SAMD12: variants seen among roughly 807,000 people sequenced by gnomAD.
The protein encoded by SAMD12 is sterile alpha motif domain containing 12.
A neutral mutation model predicts 15.0 loss-of-function variants in SAMD12; 9 were observed. That is an observed-to-expected ratio of 0.60 (90% CI 0.36 to 1.05). The LOEUF (loss-of-function observed/expected upper bound fraction) is 1.05. SAMD12 is among the 50% of genes least tolerant of loss of function. The pLI, the probability that SAMD12 is intolerant of heterozygous loss-of-function variation, is 0.01. For synonymous variants in SAMD12, 86 were observed against 90.1 expected, an observed-to-expected ratio of 0.96 and a Z score of 0.25; for missense variants, 230 against 234.2, an observed-to-expected ratio of 0.98 and a Z score of 0.12.
intron 2 of SAMD12, among the ~76,000 whole-genome samples, chr8:118,443,980 C>T (rs1380360631): frequency 6.6e-6 from 1 of 152,158 alleles, no homozygotes; most frequent in African/African-American, 2.4e-5. Context: ...AAAAGAGAGG[C>T]AGAGCTGTCA....
intron 2 of SAMD12, among the ~76,000 whole-genome samples, chr8:118,448,849 G>A (rs531076774): frequency 2.3e-4 from 35 of 152,292 alleles, no homozygotes; most frequent in Non-Finnish European, 4.6e-4. Context: ...CTTTCTAAAC[G>A]TATTTCTAAA....
At chr8:118,542,970 G>A (rs1563573055) in intron 2 of SAMD12, among the ~76,000 whole-genome samples, 1 of 151,978 alleles carries the variant, frequency 6.6e-6, no homozygotes, top group Non-Finnish European at 1.5e-5. Context: ...AAGAGGGAAT[G>A]GAAGAAGTGA....
rs1395951061 is a variant in SAMD12 at position 118,585,973 on chromosome 8, A to G, written c.14-5080T>C. Among the ~76,000 whole-genome samples the G allele has an allele frequency of 3.3e-5, 5 of 152,110 alleles. No homozygotes were observed. The South Asian group carries it at 8.3e-4, about 25-fold the overall frequency. On this transcript the variant is annotated intron_variant, in intron 1 of 3. Transcript: ENST00000314727. The stretch of plus-strand genomic sequence containing the variant: ...AGCCACCCAACTTCCAGTTCTTCCA[A>G]TCTCCACCCACACCACTCTCTGTCA...
chr8:118,165,442 G>C, the SAMD12 span, among the ~76,000 whole-genome samples: 1 of 151,760 alleles, frequency 6.6e-6, no homozygotes, highest in Non-Finnish European at 1.5e-5. Context: ...TTTTAGTAGA[G>C]ACGGGGTTTC....
intron 2 of SAMD12, among the ~76,000 whole-genome samples, chr8:118,462,345 TGACAA>T (rs756203221): frequency 2.0e-5 from 3 of 152,220 alleles, no homozygotes; most frequent in Non-Finnish European, 2.9e-5. Flanking sequence ...AACTTGAATT[TGACAA>T]GACAACAGTA....
intron 4 of SAMD12, among the ~76,000 whole-genome samples, chr8:118,285,197 G>A (rs369116084): frequency 1.3e-5 from 2 of 151,714 alleles, no homozygotes; most frequent in African/African-American, 4.8e-5. Context: ...CATTACATGG[G>A]TGGAATTCTG....
At chr8:118,275,636 G>A (rs1323102387) in intron 4 of SAMD12, among the ~76,000 whole-genome samples, 1 of 152,120 alleles carries the variant, frequency 6.6e-6, no homozygotes. Flanking sequence ...TGAGGTTTGA[G>A]ATACAAATGA....
intron 2 of SAMD12, among the ~76,000 whole-genome samples, chr8:118,451,582 T>C (rs1284826480): frequency 6.6e-6 from 1 of 152,220 alleles, no homozygotes; most frequent in African/African-American, 2.4e-5. Flanking sequence ...AGTGTTTTAT[T>C]TGGATCATTT....
In SAMD12 at chr8:118,470,914, T is replaced by TC. The variant is rs1322589240; in HGVS notation, c.193-30954_193-30953insG. 4.6e-5 allele frequency among the ~76,000 whole-genome samples: 7 copies of TC among 152,350 alleles called. No individual in the cohort carries two copies. The East Asian group carries it at 1.3e-3, about 29-fold the overall frequency. On this transcript the variant is annotated intron_variant, in intron 2 of 3. Coordinates refer to ENST00000314727, the MANE Select transcript of SAMD12 (RefSeq NM_207506.3). ...GACAGTAATGATTTTAAGACTTGGA[T>TC]TAATTTTATGTACAACTAAGACAGA... is the stretch of plus-strand genomic sequence containing the variant.
intron 2 of SAMD12, among the ~76,000 whole-genome samples, chr8:118,526,946 T>C (rs1825553018): frequency 1.3e-5 from 2 of 152,364 alleles, no homozygotes; most frequent in South Asian, 4.1e-4. Context: ...GCACTAGTCA[T>C]ATCAAACAAA....
chr8:118,566,560 A>G (rs1030485497), intron 2 of SAMD12, among the ~76,000 whole-genome samples: 1 of 152,210 alleles, frequency 6.6e-6, no homozygotes, highest in African/African-American at 2.4e-5. Context: ...ATTTTTAAGC[A>G]TATAAAAGCC....
the SAMD12 span, among the ~76,000 whole-genome samples, chr8:118,132,070 A>C: frequency 6.6e-6 from 1 of 152,180 alleles, no homozygotes; most frequent in South Asian, 2.1e-4. Flanking sequence ...TTTTCCATTC[A>C]TATCTTTGTA....
At chr8:118,457,227 T>C (rs1226876138) in intron 2 of SAMD12, among the ~76,000 whole-genome samples, 6 of 151,736 alleles carry the variant, frequency 4.0e-5, no homozygotes, top group Admixed American at 3.3e-4. Context: ...TCTCTCTTTT[T>C]TTTTTTTTTT....
chr8:118,333,097 G>A (rs1816879742), intron 4 of SAMD12, among the ~76,000 whole-genome samples: 1 of 152,128 alleles, frequency 6.6e-6, no homozygotes, highest in Non-Finnish European at 1.5e-5. Flanking sequence ...TTATCGCAGG[G>A]AAGGCTTTTC....
downstream of SAMD12, among the ~76,000 whole-genome samples, chr8:118,184,926 T>C (rs1240594490): frequency 1.7e-4 from 26 of 151,706 alleles, no homozygotes; most frequent in Non-Finnish European, 3.1e-4. Context: ...TTGAAATCTT[T>C]GAAAGACTTC....
At chr8:118,207,687 T>TTTC (rs375383874) in intron 4 of SAMD12, among the ~76,000 whole-genome samples, 23 of 152,284 alleles carry the variant, frequency 1.5e-4, no homozygotes, top group African/African-American at 5.1e-4. Context: ...GTGAAGTTCC[T>TTTC]TTCTTCTTCT....
intron 4 of SAMD12, among the ~76,000 whole-genome samples, chr8:118,283,673 T>C (rs1422162224): frequency 6.6e-6 from 1 of 152,198 alleles, no homozygotes; most frequent in African/African-American, 2.4e-5. Flanking sequence ...GATCTGGTGA[T>C]GAGCCTTCTG....
intron 4 of SAMD12, among the ~76,000 whole-genome samples, chr8:118,331,780 A>G (rs1010124181): frequency 6.6e-6 from 1 of 152,228 alleles, no homozygotes; most frequent in African/African-American, 2.4e-5. Flanking sequence ...AGACTGGGAC[A>G]ACAATCTTAA....
intron 2 of SAMD12, among the ~76,000 whole-genome samples, chr8:118,537,141 T>C (rs942405494): frequency 7.2e-5 from 11 of 152,226 alleles, no homozygotes; most frequent in Non-Finnish European, 1.5e-4. Context: ...GAAAAGTCTG[T>C]TTCCAGATAC....
Sources: gnomAD v4.1 joint callset for allele counts (sites outside exome capture counted in the v4.1 genomes callset) on GRCh38, gnomAD v4.1.1 for gene constraint, MANE v1.5 for transcripts, NCBI Gene and HGNC (gene_info 2026-07-23, HGNC 2026-07-21) for gene names.